LMX1B: variants seen among roughly 807,000 people sequenced by gnomAD.
LMX1B encodes the protein LIM homeobox transcription factor 1 beta.
In LMX1B, 12 loss-of-function variants were observed where a neutral mutation model predicts 51.4. That is an observed-to-expected ratio of 0.23 (90% confidence interval 0.15 to 0.38). The LOEUF (loss-of-function observed/expected upper bound fraction) is 0.38. Among genes scored for constraint, LMX1B ranks in the 10% least tolerant of loss-of-function variants. LMX1B has a pLI of 1.00. For missense variants in LMX1B, 445 were observed against 571.1 expected (o/e 0.78, Z 2.25); for synonymous variants, 237 against 235.4 (o/e 1.01, Z -0.06).
intron 2 of LMX1B, among the ~76,000 whole-genome samples, chr9:126,665,312 G>C (rs2118931540): frequency 6.6e-6 from 1 of 152,354 alleles, no homozygotes; most frequent in Non-Finnish European, 1.5e-5. Context: ...AGCCAGGGCT[G>C]GGGCGGCGGG....
At chr9:126,685,947 T>G (rs1836759402) in intron 2 of LMX1B, among the ~76,000 whole-genome samples, 1 of 151,998 alleles carries the variant, frequency 6.6e-6, no homozygotes, top group Admixed American at 6.6e-5. Flanking sequence ...GTCTGGACCT[T>G]AAGATCTGGG....
At position 126,691,449 on chromosome 9, in the gene LMX1B, A is replaced by AC. The variant is rs898302401; in HGVS notation, c.559+382dup. On this transcript the variant is annotated intron_variant, in intron 3 of 7. Transcript: ENST00000373474. ...AAAAGCCACACCCAGGTCCACACAC[A>AC]CAAGTGTACACACTTAAGCATACAT... is the stretch of plus-strand genomic sequence containing the variant. 2.6e-4 allele frequency among the ~76,000 whole-genome samples: 40 copies of AC among 152,222 alleles called. 1 individual carries two copies. Among genetic ancestry groups the AC allele is most frequent in the Non-Finnish European group, 1.5e-5 (1 of 68,036 alleles).
chr9:126,684,095 G>T (rs554717353), intron 2 of LMX1B, among the ~76,000 whole-genome samples: 10 of 152,054 alleles, frequency 6.6e-5, no homozygotes, highest in Non-Finnish European at 1.3e-4. Context: ...GGGTGTAGCC[G>T]GTGGGAACAG....
intron 2 of LMX1B, among the ~76,000 whole-genome samples, chr9:126,684,508 C>A (rs996845848): frequency 2.0e-5 from 3 of 152,172 alleles, no homozygotes. Flanking sequence ...GAACAGGAAT[C>A]TGAGGCTTGG....
intron 3 of LMX1B, among the ~76,000 whole-genome samples, chr9:126,692,917 G>C (rs1297159228): frequency 6.6e-6 from 1 of 152,242 alleles, no homozygotes; most frequent in Admixed American, 6.5e-5. Flanking sequence ...TGTGTGCCGG[G>C]GAAGGGACTC....
At chr9:126,656,547 G>A (rs1202340492) in intron 2 of LMX1B, among the ~76,000 whole-genome samples, 4 of 152,186 alleles carry the variant, frequency 2.6e-5, no homozygotes, top group Non-Finnish European at 4.4e-5. Context: ...CCACTGTACC[G>A]AGGAAGGAAG....
chr9:126,624,184 G>A (rs749759039), intron 2 of LMX1B, among the ~76,000 whole-genome samples: 1 of 152,234 alleles, frequency 6.6e-6, no homozygotes, highest in Non-Finnish European at 1.5e-5. Context: ...CCAGGGCCCT[G>A]CAGCAGCTTT....
At chr9:126,693,723 C>T (rs1348064265) in intron 5 of LMX1B, 23 bp from the exon 6 acceptor site, 1 of 1,567,204 alleles carries the variant, frequency 6.4e-7, no homozygotes. Context: ...GCAGCACCGG[C>T]CTGAACTGCG....
At chr9:126,649,728 T>C (rs1361172344) in intron 2 of LMX1B, among the ~76,000 whole-genome samples, 1 of 152,206 alleles carries the variant, frequency 6.6e-6, no homozygotes, top group Admixed American at 6.5e-5. Context: ...TGGACTCAAG[T>C]GATCCTCCCC....
At chr9:126,635,644 C>A (rs1835701367) in intron 2 of LMX1B, among the ~76,000 whole-genome samples, 1 of 152,158 alleles carries the variant, frequency 6.6e-6, no homozygotes, top group South Asian at 2.1e-4. Flanking sequence ...ATCAGGGGTT[C>A]CAGCAAACGG....
intron 2 of LMX1B, among the ~76,000 whole-genome samples, chr9:126,652,723 G>T (rs1836045332): frequency 6.6e-6 from 1 of 152,186 alleles, no homozygotes; most frequent in South Asian, 2.1e-4. Context: ...ACATGATGGG[G>T]GTCCCTGCCA....
intron 2 of LMX1B, among the ~76,000 whole-genome samples, chr9:126,655,863 A>G (rs558952010): frequency 6.6e-6 from 1 of 152,330 alleles, no homozygotes; most frequent in African/African-American, 2.4e-5. Context: ...CAGCTGCGCC[A>G]TGGATGTCAG....
At position 126,615,575 on chromosome 9, in the gene LMX1B, C is replaced by T. The variant is rs1157614598; in HGVS notation, c.326+6C>T. 6.2e-7 allele frequency: 1 copy of T among 1,604,996 alleles called. No individual in the cohort carries two copies. Among genetic ancestry groups the T allele is most frequent in the Non-Finnish European group, 8.5e-7 (1 of 1,175,684 alleles). The stretch of plus-strand genomic sequence containing the variant: ...TGCAAACAAGACTACCAACAGTAAG[C>T]GCTTCTCGTCCTCCTTCCCCGCCAC... On this transcript the variant is annotated splice_donor_region_variant and intron_variant, in intron 2 of 7. Coordinates refer to ENST00000373474, the MANE Select transcript of LMX1B (RefSeq NM_001174147.2). The surrounding 1 kb of genome is among the most constrained non-coding windows in gnomAD (Gnocchi z 6.0).
At chr9:126,624,825 C>A (rs937125617) in intron 2 of LMX1B, among the ~76,000 whole-genome samples, 7 of 152,176 alleles carry the variant, frequency 4.6e-5, no homozygotes, top group African/African-American at 1.7e-4. Flanking sequence ...GGACTTGGTG[C>A]TTTAAATGCC....
In LMX1B at chr9:126,696,608, T is replaced by C; in HGVS notation, c.*157T>C. ...AGCTGGGCCTGACCACTGTGCCCGT[T>C]GGGTACAGCCAGACCGGTAGATGGG... On this transcript the variant is annotated 3_prime_UTR_variant, in exon 8 of 8. Coordinates refer to ENST00000373474, the MANE Select transcript of LMX1B (RefSeq NM_001174147.2). The C allele has an allele frequency of 2.6e-6, 2 of 781,746 alleles. No individual in the cohort carries two copies. Among genetic ancestry groups the C allele is most frequent in the Non-Finnish European group, 4.2e-6 (2 of 477,864 alleles). 48.4% of individuals were successfully genotyped at this position (781,746 alleles called of 1,614,324 possible).
At chr9:126,634,830 G>A (rs762900251) in intron 2 of LMX1B, among the ~76,000 whole-genome samples, 2 of 152,154 alleles carry the variant, frequency 1.3e-5, no homozygotes, top group Non-Finnish European at 2.9e-5. Flanking sequence ...GGTGACATTT[G>A]GAGTCACGAA....
intron 2 of LMX1B, among the ~76,000 whole-genome samples, 195 bp from the exon 3 acceptor site, chr9:126,690,641 G>C (rs1378622019): frequency 6.6e-6 from 1 of 152,222 alleles, no homozygotes; most frequent in Non-Finnish European, 1.5e-5. Flanking sequence ...ACCCACCCCA[G>C]GGCCACTGGG....
intron 2 of LMX1B, among the ~76,000 whole-genome samples, chr9:126,647,448 C>T (rs540802436): frequency 3.9e-5 from 6 of 152,230 alleles, no homozygotes; most frequent in Admixed American, 2.6e-4. Flanking sequence ...TTCACTTGCC[C>T]GTTCCTTTCA....
At chr9:126,682,081 G>GCCTTTTTTT (rs755608375) in intron 2 of LMX1B, among the ~76,000 whole-genome samples, 3,094 of 80,760 alleles carry the variant, frequency 0.038, 356 homozygotes, top group Non-Finnish European at 0.047. Flanking sequence ...GGTCCCCAGG[G>GCCTTTTTTT]TCTTTTTTTT....
Sources: allele counts gnomAD v4.1 joint callset (sites outside exome capture counted in the v4.1 genomes callset), GRCh38; gene constraint gnomAD v4.1.1; non-coding constraint Gnocchi (gnomAD v3.1); transcripts MANE v1.5; gene names NCBI Gene and HGNC (gene_info 2026-07-23, HGNC 2026-07-21).